The following TTLL1 variants were observed in gnomAD, a reference collection of about 807,000 sequenced individuals.
TTLL1 encodes the protein polyglutamylase complex subunit TTLL1.
TTLL1 carries 33 observed loss-of-function variants against 47.8 expected under a neutral mutation model. That is an observed-to-expected ratio of 0.69 (90% CI 0.52 to 0.92). The LOEUF is 0.92. Among genes scored for constraint, TTLL1 ranks in the 40% least tolerant of loss-of-function variants. TTLL1 has a pLI of 0.00. For synonymous variants in TTLL1, 225 were observed against 214.1 expected, an observed-to-expected ratio of 1.05 and a Z score of -0.45; for missense variants, 488 against 547.5, an observed-to-expected ratio of 0.89 and a Z score of 1.08.
intron 8 of TTLL1, among the ~76,000 whole-genome samples, chr22:43,058,856 C>T (rs1035428285): frequency 4.0e-5 from 6 of 151,734 alleles, no homozygotes; most frequent in South Asian, 2.1e-4. Context: ...CACCACACCC[C>T]GCTAATTTTT....
Position 43,039,569 on chromosome 22 carries a change from T to TA in TTLL1, c.*206dup, listed in dbSNP as rs36120119. On this transcript the variant is annotated 3_prime_UTR_variant, in exon 11 of 11. Transcript: ENST00000266254. ...TGAAAATTCTGCTTAGGTTAAAAAT[T>TA]AAAAAAAAAAGAGCGAGTTTTATAC... 116,255 of 413,522 alleles carry TA rather than the reference T, an allele frequency of 0.28. 12,506 individuals are homozygous for TA. The highest frequency in any genetic ancestry group is 0.37 in the African/African-American group (17,467 of 46,822). 25.6% of individuals were successfully genotyped at this position (413,522 alleles called of 1,614,324 possible). A position where few individuals can be genotyped will look rare whatever the true frequency, so the allele number is the denominator to read the frequency against.
Position 43,046,566 on chromosome 22 carries a change from G to A in TTLL1, c.986C>T (p.Ala329Val), listed in dbSNP as rs202042134. Residue 329 changes from alanine to valine, a missense_variant, in exon 10 of 11, where the codon GCG becomes GTG. By Grantham distance (64) the Ala-to-Val change is moderately conservative. Transcript: ENST00000266254. ...KLKPWLIEVN[A>V]SPSLTSSTAN... ...AGTGCTGGACGTGAGAGACGGGGACGCATTCACCTGTGAGATGAAAGACCC... is the reference window on the plus strand; with the variant it reads ...AGTGCTGGACGTGAGAGACGGGGACACATTCACCTGTGAGATGAAAGACCC... The A allele has an allele frequency of 3.0e-5, 49 of 1,613,582 alleles. No individual in the cohort carries two copies. The highest frequency in any genetic ancestry group is 1.1e-4 in the East Asian group (5 of 44,884).
At chr22:43,056,462 C>CTTTT (rs1052016247) in intron 8 of TTLL1, among the ~76,000 whole-genome samples, 3 of 103,702 alleles carry the variant, frequency 2.9e-5, no homozygotes, top group Non-Finnish European at 4.0e-5. Flanking sequence ...TTCTTCTTGT[C>CTTTT]TTTTTTTTTT....
chr22:43,059,408 G>A lies in TTLL1; in HGVS notation c.867C>T (p.Ile289=), dbSNP rs138960499. The A allele has an allele frequency of 1.1e-4, 172 of 1,613,630 alleles. No homozygotes were observed. Among genetic ancestry groups the A allele is most frequent in the African/African-American group, 8.1e-4 (61 of 74,890 alleles). ...SKLFDEIHWI[I]VQSLKAVAPV... ...CCGCCACAGCCTTCAGGGACTGCAC[G>A]ATGATCCAGTGGATCTCGTCGAACA... is the stretch of plus-strand genomic sequence containing the variant. The change falls in exon 8 of 11, where the codon ATC becomes ATT. Residue 289 remains isoleucine (I), a synonymous_variant. Transcript: ENST00000266254.
intron 10 of TTLL1, chr22:43,040,255 C>G: frequency 4.9e-6 from 1 of 202,932 alleles, no homozygotes; most frequent in South Asian, 7.6e-5. Context: ...TGACACAGAA[C>G]CAGCCCAGGG....
In TTLL1 at chr22:43,039,903, T is replaced by C. The variant is rs1925529064; in HGVS notation, c.1145A>G (p.Tyr382Cys). The C allele has an allele frequency of 1.9e-6, 3 of 1,613,156 alleles. No individual in the cohort carries two copies. In the Admixed American group the frequency reaches 5.0e-5, roughly 27 times the overall value. ...KEVLGNYEIL[Y>C]DEELAQGDGA... ...GTCACCCTGGGCCAATTCTTCATCATACCTGGAGACAGAAACAGCCAGGAT... is the reference window on the plus strand; with the variant it reads ...GTCACCCTGGGCCAATTCTTCATCACACCTGGAGACAGAAACAGCCAGGAT... Residue 382 changes from tyrosine (Y) to cysteine (C), a missense_variant and splice_region_variant, in exon 11 of 11, where the codon TAT becomes TGT. Physicochemically the swap from Tyr to Cys is radical, Grantham distance 194 (BLOSUM62 -2). Transcript: ENST00000266254.
intron 9 of TTLL1, among the ~76,000 whole-genome samples, chr22:43,050,092 G>A (rs946898507): frequency 6.6e-5 from 10 of 151,194 alleles, no homozygotes; most frequent in African/African-American, 2.2e-4. Flanking sequence ...GTGAGACTCC[G>A]TCTCAAAAAC....
In TTLL1 at chr22:43,069,853, G is replaced by A. The variant is rs373034843; in HGVS notation, c.114-9C>T. The A allele has an allele frequency of 6.2e-7, 1 of 1,613,850 alleles. No individual in the cohort carries two copies. The highest frequency in any genetic ancestry group is 8.5e-7 in the Non-Finnish European group (1 of 1,179,922). On this transcript the variant is annotated splice_polypyrimidine_tract_variant and intron_variant, in intron 3 of 10. Coordinates refer to ENST00000266254, the MANE Select transcript of TTLL1 (RefSeq NM_012263.5). ...TGGTTTGCACACTCATCCTGAAAGA[G>A]ATGAGCAGGAGAGACACTTGGCAGT... is the stretch of plus-strand genomic sequence containing the variant.
chr22:43,069,981 G>C, intron 3 of TTLL1, 137 bp from the exon 4 acceptor site: 1 of 1,395,056 alleles, frequency 7.2e-7, no homozygotes, highest in Non-Finnish European at 9.6e-7. Flanking sequence ...CTGAGCCAGG[G>C]GTTGCCCGGC....
chr22:43,064,524 A>G (rs1169517697), intron 5 of TTLL1, among the ~76,000 whole-genome samples, 200 bp from the exon 6 acceptor site: 2 of 151,892 alleles, frequency 1.3e-5, no homozygotes, highest in Non-Finnish European at 2.9e-5. Context: ...CGGGAGTTCA[A>G]GACGAGCCTG....
intron 3 of TTLL1, chr22:43,070,097 G>T: frequency 1.5e-6 from 2 of 1,307,692 alleles, no homozygotes; most frequent in Non-Finnish European, 2.1e-6. Context: ...GCCCGGAGCA[G>T]GCACTCAATA....
intron 3 of TTLL1, among the ~76,000 whole-genome samples, chr22:43,072,311 G>A (rs1173167615): frequency 1.3e-5 from 2 of 151,718 alleles, no homozygotes; most frequent in African/African-American, 2.4e-5. Context: ...TCGCCACCAC[G>A]CCCGGATAAT....
At chr22:43,066,588 C>T (rs1927751624) in intron 5 of TTLL1, among the ~76,000 whole-genome samples, 1 of 151,028 alleles carries the variant, frequency 6.6e-6, no homozygotes, top group African/African-American at 2.4e-5. Flanking sequence ...CAGGTGTGGT[C>T]GTGTGTACCT....
intron 10 of TTLL1, among the ~76,000 whole-genome samples, chr22:43,043,728 C>G (rs1018601241): frequency 1.6e-4 from 25 of 152,064 alleles, no homozygotes; most frequent in African/African-American, 6.0e-4. Flanking sequence ...TGCTTTCTCT[C>G]CCACCCCCCA....
In TTLL1 at chr22:43,085,857, T is replaced by C. The variant is rs189867900; in HGVS notation, c.-90+3420A>G. Among the ~76,000 whole-genome samples, 130 of 152,296 alleles carry C rather than the reference T, an allele frequency of 8.5e-4. 1 individual carries two copies. Among genetic ancestry groups the C allele is most frequent in the African/African-American group, 2.9e-3 (122 of 41,572 alleles). The stretch of plus-strand genomic sequence containing the variant: ...TTTCACATGTGCCTCCCACATTAGA[T>C]AGCAACCTCCTGCGGGGCAGCAGAG... On this transcript the variant is annotated intron_variant, in intron 1 of 10. Coordinates refer to ENST00000266254, the MANE Select transcript of TTLL1 (RefSeq NM_012263.5).
chr22:43,077,877 C>G (rs1896150772), intron 2 of TTLL1, among the ~76,000 whole-genome samples: 1 of 152,126 alleles, frequency 6.6e-6, no homozygotes, highest in African/African-American at 2.4e-5. Context: ...GAGGCCGAGG[C>G]AGGCGGATCA....
intron 1 of TTLL1, among the ~76,000 whole-genome samples, chr22:43,088,324 C>CTTTTTTTTTTTTTTTTTTTTT (rs1167618669): frequency 1.2e-4 from 7 of 56,490 alleles, no homozygotes; most frequent in African/African-American, 5.1e-4. Context: ...AAGGGCCCAT[C>CTTTTTTTTTTTTTTTTTTTTT]TTTTTTTTTT....
At chr22:43,058,192 C>T (rs1399268281) in intron 8 of TTLL1, among the ~76,000 whole-genome samples, 1 of 152,206 alleles carries the variant, frequency 6.6e-6, no homozygotes, top group Admixed American at 6.6e-5. Context: ...GATCTGCGCA[C>T]CTTGGCCTCC....
intron 8 of TTLL1, among the ~76,000 whole-genome samples, chr22:43,052,845 C>T (rs941046849): frequency 1.3e-5 from 2 of 151,870 alleles, no homozygotes; most frequent in African/African-American, 2.4e-5. Flanking sequence ...GATCACCTGA[C>T]GTCGGGAGTT....
Sources: allele counts gnomAD v4.1 joint callset (sites outside exome capture counted in the v4.1 genomes callset), GRCh38; gene constraint gnomAD v4.1.1; transcripts MANE v1.5; gene names NCBI Gene and HGNC (gene_info 2026-07-23, HGNC 2026-07-21).